The following DGKB variants were observed in gnomAD, a reference collection of about 807,000 sequenced individuals.
The protein encoded by DGKB is 90 kDa diacylglycerol kinase.
In DGKB, 67 loss-of-function variants were observed where a neutral mutation model predicts 114.3. The observed-to-expected ratio is 0.59, with a 90% CI of 0.48 to 0.72. The LOEUF (loss-of-function observed/expected upper bound fraction) is 0.72, where lower values mean the gene tolerates loss of function less well. Among genes scored for constraint, DGKB ranks in the 30% least tolerant of loss-of-function variants. DGKB has a pLI of 0.00. For synonymous variants in DGKB, 398 were observed against 323.1 expected (o/e 1.23, Z -2.49); for missense variants, 907 against 975.2 (o/e 0.93, Z 0.93).
chr7:14,525,705 G>C (rs1430899856), intron 20 of DGKB, among the ~76,000 whole-genome samples: 1 of 150,404 alleles, frequency 6.6e-6, no homozygotes, highest in Non-Finnish European at 1.5e-5. Context: ...CAGTTACATT[G>C]ACAATAAAAA....
intron 1 of DGKB, among the ~76,000 whole-genome samples, chr7:14,939,461 T>C (rs1785447957): frequency 6.6e-6 from 1 of 152,130 alleles, no homozygotes; most frequent in South Asian, 2.1e-4. Flanking sequence ...AGGTGGCATC[T>C]TGACCTGGCA....
chr7:14,489,184 G>T (rs1366137854), intron 20 of DGKB, among the ~76,000 whole-genome samples: 1 of 152,070 alleles, frequency 6.6e-6, no homozygotes, highest in African/African-American at 2.4e-5. Flanking sequence ...CCCTCTAATA[G>T]AATCCTTATT....
intron 1 of DGKB, among the ~76,000 whole-genome samples, chr7:14,955,288 T>C (rs915776956): frequency 1.3e-5 from 2 of 152,070 alleles, no homozygotes; most frequent in African/African-American, 4.8e-5. Flanking sequence ...ATAAAATGTG[T>C]GTGAACAATT....
At chr7:14,737,996 G>A (rs1185118281) in intron 4 of DGKB, among the ~76,000 whole-genome samples, 1 of 152,128 alleles carries the variant, frequency 6.6e-6, no homozygotes, top group Non-Finnish European at 1.5e-5. Flanking sequence ...CCTCAGGTAG[G>A]AGAAGTACTT....
chr7:14,723,102 T>C (rs1829471046), intron 5 of DGKB, among the ~76,000 whole-genome samples: 1 of 118,496 alleles, frequency 8.4e-6, no homozygotes, highest in South Asian at 3.7e-4. Context: ...TTCACTACCC[T>C]GAAAAAAGTC....
chr7:14,938,795 C>T (rs1341243028), intron 1 of DGKB, among the ~76,000 whole-genome samples: 1 of 152,044 alleles, frequency 6.6e-6, no homozygotes, highest in Non-Finnish European at 1.5e-5. Context: ...TATATTTCTT[C>T]CTTTCAAAAA....
intron 13 of DGKB, among the ~76,000 whole-genome samples, chr7:14,643,179 T>A (rs948910800): frequency 3.3e-5 from 5 of 152,060 alleles, no homozygotes; most frequent in Non-Finnish European, 5.9e-5. Flanking sequence ...CTAGCCAGGA[T>A]CAGCATAGAG....
At chr7:14,343,198 CAA>C (rs1491266472) in intron 22 of DGKB, among the ~76,000 whole-genome samples, 52 of 149,166 alleles carry the variant, frequency 3.5e-4, no homozygotes, top group African/African-American at 1.2e-3. Context: ...CACACACACA[CAA>C]CAAGATATGC....
At chr7:14,608,909 G>T (rs933957080) in intron 16 of DGKB, among the ~76,000 whole-genome samples, 3 of 151,944 alleles carry the variant, frequency 2.0e-5, no homozygotes, top group Admixed American at 6.6e-5. Flanking sequence ...ACTGCTGAAA[G>T]AAATCAGAGG....
At chr7:14,426,464 T>C (rs1310414275) in intron 21 of DGKB, among the ~76,000 whole-genome samples, 2 of 152,128 alleles carry the variant, frequency 1.3e-5, no homozygotes, top group Non-Finnish European at 2.9e-5. Flanking sequence ...AGTGGCTTCA[T>C]AGCACAATAA....
chr7:14,294,965 G>A (rs951018792), intron 23 of DGKB, among the ~76,000 whole-genome samples: 5 of 152,090 alleles, frequency 3.3e-5, no homozygotes, highest in African/African-American at 4.8e-5. Flanking sequence ...AAAGGTTCCC[G>A]AAATTTTTCC....
rs1028333365 is a variant in DGKB at position 14,285,912 on chromosome 7, C to CAA, written c.2122+52601_2122+52602dup. On this transcript the variant is annotated intron_variant, in intron 23 of 25. Coordinates refer to ENST00000402815, the MANE Select transcript of DGKB (RefSeq NM_001350709.2). ...CATCTTCTTTGTGCTTAAAAAAATA[C>CAA]AAAGAAAACCCTGTGTTTGGATCTA... Among the ~76,000 whole-genome samples the CAA allele has an allele frequency of 2.0e-5, 3 of 152,092 alleles. No homozygotes were observed. The East Asian group carries it at 5.8e-4, about 29-fold the overall frequency.
chr7:14,374,525 A>G (rs1222178685), intron 21 of DGKB, among the ~76,000 whole-genome samples: 5 of 152,070 alleles, frequency 3.3e-5, no homozygotes, highest in African/African-American at 9.7e-5. Flanking sequence ...CTATACCCTC[A>G]CCACCAGCCC....
intron 1 of DGKB, among the ~76,000 whole-genome samples, chr7:14,892,735 AG>A (rs1781442579): frequency 1.3e-5 from 2 of 151,164 alleles, no homozygotes; most frequent in African/African-American, 4.8e-5. Context: ...TTTAAAATCC[AG>A]AAATATCCCT....
At chr7:14,211,166 T>C (rs1787717830) in intron 23 of DGKB, among the ~76,000 whole-genome samples, 1 of 152,082 alleles carries the variant, frequency 6.6e-6, no homozygotes, top group Non-Finnish European at 1.5e-5. Context: ...ATATAAATTG[T>C]ATAGGTCCCA....
intron 13 of DGKB, among the ~76,000 whole-genome samples, chr7:14,669,682 A>T (rs1418938793): frequency 6.6e-6 from 1 of 152,204 alleles, no homozygotes; most frequent in African/African-American, 2.4e-5. Flanking sequence ...AAAAATTATC[A>T]AAGTCCATTG....
chr7:14,628,307 A>ATGTGTGTGTGTGTGTGTGTGTGTGTG lies in DGKB; in HGVS notation c.1167+1928_1167+1929insCACACACACACACACACACACACACA, dbSNP rs139191761. Among the ~76,000 whole-genome samples the ATGTGTGTGTGTGTGTGTGTGTGTGTG allele has an allele frequency of 5.2e-3, 790 of 150,536 alleles. 8 individuals carry two copies. Among genetic ancestry groups the ATGTGTGTGTGTGTGTGTGTGTGTGTG allele is most frequent in the South Asian group, 0.012 (59 of 4,730 alleles). On this transcript the variant is annotated intron_variant, in intron 14 of 25. Transcript: ENST00000402815. ...TTAGAAAGACAAAATAACACAAGTT[A>ATGTGTGTGTGTGTGTGTGTGTGTGTG]TGTGTGTGTGTGTGTGTGGTGTGTA...
chr7:14,153,325 C>T (rs1004250252), intron 25 of DGKB, among the ~76,000 whole-genome samples: 2 of 152,084 alleles, frequency 1.3e-5, no homozygotes, highest in African/African-American at 4.8e-5. Context: ...TTGAAGCATT[C>T]TGTTAAGTTT....
intron 2 of DGKB, among the ~76,000 whole-genome samples, chr7:14,818,762 C>T (rs778801919): frequency 1.6e-4 from 25 of 152,164 alleles, no homozygotes; most frequent in South Asian, 1.5e-3. Flanking sequence ...AGGATAAAGG[C>T]AATAATATGT....
Sources: gnomAD v4.1 joint callset for allele counts (sites outside exome capture counted in the v4.1 genomes callset) on GRCh38, gnomAD v4.1.1 for gene constraint, MANE v1.5 for transcripts, NCBI Gene and HGNC (gene_info 2026-07-23, HGNC 2026-07-21) for gene names.